Variants in RAI1 observed in about 807,000 individuals in gnomAD.
The protein encoded by RAI1 is retinoic acid-induced protein 1.
In RAI1, 9 loss-of-function variants were observed where a neutral mutation model predicts 123.8. That is an observed-to-expected ratio of 0.07 (90% confidence interval 0.04 to 0.13). The LOEUF is 0.13. Ranked by LOEUF, RAI1 falls within the 10% of genes least tolerant of loss-of-function variation. RAI1 has a pLI of 1.00. For missense variants in RAI1, 2,256 were observed against 2,545.8 expected, an observed-to-expected ratio of 0.89 and a Z score of 2.45; for synonymous variants, 1,231 against 1,127.3, an observed-to-expected ratio of 1.09 and a Z score of -1.84.
intron 2 of RAI1, among the ~76,000 whole-genome samples, chr17:17,784,715 C>G (rs1458258817): frequency 6.6e-6 from 1 of 152,042 alleles, no homozygotes; most frequent in African/African-American, 2.4e-5. Context: ...GAGGGTGGCT[C>G]GGCGGGGAGC....
intron 2 of RAI1, among the ~76,000 whole-genome samples, chr17:17,765,309 A>T (rs1399517468): frequency 6.6e-6 from 1 of 152,260 alleles, no homozygotes; most frequent in Non-Finnish European, 1.5e-5. Context: ...CTGGACACAC[A>T]GAAGAGACCG....
chr17:17,763,067 G>T (rs1430283179), intron 2 of RAI1, among the ~76,000 whole-genome samples: 5 of 140,100 alleles, frequency 3.6e-5, no homozygotes, highest in Non-Finnish European at 6.4e-5. Context: ...AAAAAAAAAA[G>T]TTCTTTCTCT....
chr17:17,727,663 A>T (rs1916138869), intron 2 of RAI1, among the ~76,000 whole-genome samples: 1 of 152,212 alleles, frequency 6.6e-6, no homozygotes, highest in Non-Finnish European at 1.5e-5. Context: ...GTGGGACTGT[A>T]GGTCTCTGGG....
Position 17,809,545 on chromosome 17 carries a change from G to C in RAI1, c.5709+106G>C, listed in dbSNP as rs1015344713. 1 of 1,258,496 alleles carries C rather than the reference G, an allele frequency of 7.9e-7. No individual in the cohort carries two copies. The allele number at this position is 1,258,496 out of a possible 1,614,324, so 78.0% of individuals were successfully genotyped here. ...TGGGCCCCCTTGGCTGCGCAGCCCC[G>C]CAGGGCCCAGCCCTAGGGGAGGGAG... On this transcript the variant is annotated intron_variant, in intron 5 of 5. Coordinates refer to ENST00000353383, the MANE Select transcript of RAI1 (RefSeq NM_030665.4). The surrounding 1 kb of genome is among the most constrained non-coding windows in gnomAD (Gnocchi z 4.9).
rs1031369273 is a variant in RAI1, at chr17:17,701,103, T to C, written c.-149+19310T>C. ...ACCCACCCCTGCGCCTCCAACAAGA[T>C]GAGCCCCTGTCCTCCTGGGATGGGA... is the stretch of plus-strand genomic sequence containing the variant. On this transcript the variant is annotated intron_variant, in intron 1 of 5. Coordinates refer to ENST00000353383, the MANE Select transcript of RAI1 (RefSeq NM_030665.4). 2.6e-5 allele frequency among the ~76,000 whole-genome samples: 4 copies of C among 152,124 alleles called. No homozygotes were observed. In the East Asian group the frequency reaches 7.7e-4, roughly 29 times the overall value.
At chr17:17,769,704 G>T (rs1246950600) in intron 2 of RAI1, among the ~76,000 whole-genome samples, 7 of 152,176 alleles carry the variant, frequency 4.6e-5, no homozygotes, top group African/African-American at 1.4e-4. Context: ...GGACTTGGGG[G>T]CCTCCTCAGA....
chr17:17,723,127 C>T (rs1269069245), intron 1 of RAI1, among the ~76,000 whole-genome samples: 1 of 152,194 alleles, frequency 6.6e-6, no homozygotes, highest in Non-Finnish European at 1.5e-5. Context: ...CAAACAGGCC[C>T]ACATGGCCAC....
intron 2 of RAI1, among the ~76,000 whole-genome samples, chr17:17,761,107 A>G (rs567256556): frequency 1.2e-4 from 18 of 152,334 alleles, no homozygotes; most frequent in East Asian, 7.7e-4. Flanking sequence ...CTCTGTGCTC[A>G]GAGTCCTCAT....
chr17:17,715,065 G>T (rs760202274), intron 1 of RAI1, among the ~76,000 whole-genome samples: 2 of 151,996 alleles, frequency 1.3e-5, no homozygotes, highest in Non-Finnish European at 2.9e-5. Context: ...GTGTAGAACT[G>T]CCCAGGGGCA....
In RAI1 at chr17:17,793,767, C is replaced by T; in HGVS notation, c.819C>T (p.Arg273=). The T allele has an allele frequency of 6.2e-7, 1 of 1,608,216 alleles. No homozygotes were observed. The highest frequency in any genetic ancestry group is 8.5e-7 in the Non-Finnish European group (1 of 1,179,434). The change falls in exon 3 of 6, where the codon CGC becomes CGT. Residue 273 remains arginine, a synonymous_variant. Coordinates refer to ENST00000353383, the MANE Select transcript of RAI1 (RefSeq NM_030665.4). ...VQNLHAYQSG[R]LSYDQQQQQQ... The stretch of plus-strand genomic sequence containing the variant: ...ATCTTCATGCCTACCAGTCGGGCCG[C>T]CTCAGCTATGACCAGCAGCAGCAGC...
At position 17,810,784 on chromosome 17, in the gene RAI1, C is replaced by T. The variant is rs1375231977; in HGVS notation, c.*803C>T. ...GCCTGGGAGCGCAAAACCCAAGAAG[C>T]GGCCAGAACGCACCTCCGGCTCCGG... is the stretch of plus-strand genomic sequence containing the variant. On this transcript the variant is annotated 3_prime_UTR_variant, in exon 6 of 6. Coordinates refer to ENST00000353383, the MANE Select transcript of RAI1 (RefSeq NM_030665.4). The surrounding 1 kb of genome is among the most constrained non-coding windows in gnomAD (Gnocchi z 4.6). 1 of 454,604 alleles carries T rather than the reference C, an allele frequency of 2.2e-6. No homozygotes were observed. Among genetic ancestry groups the T allele is most frequent in the South Asian group, 1.6e-5 (1 of 64,426 alleles). The allele number at this position is 454,604 out of a possible 1,614,324, so 28.2% of individuals were successfully genotyped here.
intron 1 of RAI1, among the ~76,000 whole-genome samples, chr17:17,693,746 T>C (rs1380051473): frequency 6.6e-6 from 1 of 152,112 alleles, no homozygotes; most frequent in Non-Finnish European, 1.5e-5. Flanking sequence ...TGGCTGCAGA[T>C]TGGCGGCTCA....
At chr17:17,782,346 C>T (rs993011865) in intron 2 of RAI1, 4 of 152,054 alleles carry the variant, frequency 2.6e-5, no homozygotes, top group Non-Finnish European at 4.4e-5. Flanking sequence ...TCTCTCGCCT[C>T]GTTCGGTGCC....
chr17:17,761,520 G>C (rs1226742231), intron 2 of RAI1, among the ~76,000 whole-genome samples: 1 of 152,220 alleles, frequency 6.6e-6, no homozygotes, highest in Non-Finnish European at 1.5e-5. Flanking sequence ...GGGGATGGTG[G>C]AAGGGGAAGA....
chr17:17,783,242 G>A (rs1289080026), intron 2 of RAI1, among the ~76,000 whole-genome samples: 1 of 152,094 alleles, frequency 6.6e-6, no homozygotes, highest in Admixed American at 6.5e-5. Flanking sequence ...GAGGGGACTG[G>A]GCGCGGGGAC....
In RAI1 at chr17:17,794,199, T is replaced by C; in HGVS notation, c.1251T>C (p.Leu417=). The C allele has an allele frequency of 6.2e-7, 1 of 1,613,582 alleles. No homozygotes were observed. Among genetic ancestry groups the C allele is most frequent in the Non-Finnish European group, 8.5e-7 (1 of 1,180,006 alleles). The change falls in exon 3 of 6, where the codon CTT becomes CTC. Residue 417 remains leucine, a synonymous_variant. Coordinates refer to ENST00000353383, the MANE Select transcript of RAI1 (RefSeq NM_030665.4). ...VDTQAGNCKP[L]QKDKLPENLL... is the part of the protein sequence containing the mutation. ...CCCAGGCTGGCAACTGCAAGCCCCTTCAGAAGGACAAGCTCCCTGAGAACC... is the reference window on the plus strand; with the variant it reads ...CCCAGGCTGGCAACTGCAAGCCCCTCCAGAAGGACAAGCTCCCTGAGAACC...
At chr17:17,748,985 C>G (rs1282023761) in intron 2 of RAI1, among the ~76,000 whole-genome samples, 2 of 152,192 alleles carry the variant, frequency 1.3e-5, no homozygotes, top group Non-Finnish European at 2.9e-5. Flanking sequence ...TGCTTCTGAC[C>G]TCAGGAGACA....
At chr17:17,792,077 C>G (rs1449662861) in intron 2 of RAI1, among the ~76,000 whole-genome samples, 1 of 152,140 alleles carries the variant, frequency 6.6e-6, no homozygotes, top group Non-Finnish European at 1.5e-5. Flanking sequence ...GGCCGTGGCC[C>G]TGGGACTGCA....
At chr17:17,722,777 C>T (rs1481634001) in intron 1 of RAI1, among the ~76,000 whole-genome samples, 1 of 152,216 alleles carries the variant, frequency 6.6e-6, no homozygotes, top group Non-Finnish European at 1.5e-5. Flanking sequence ...GCGGCAGGAT[C>T]TCCAAGCTGC....
Sources: allele counts gnomAD v4.1 joint callset (sites outside exome capture counted in the v4.1 genomes callset), GRCh38; gene constraint gnomAD v4.1.1; non-coding constraint Gnocchi (gnomAD v3.1); transcripts MANE v1.5; gene names NCBI Gene and HGNC (gene_info 2026-07-23, HGNC 2026-07-21).